Variants in ACTR3 observed in about 807,000 individuals in gnomAD.
The protein encoded by ACTR3 is actin-related protein 3.
In ACTR3, 12 loss-of-function variants were observed where a neutral mutation model predicts 56.8. That is an observed-to-expected ratio of 0.21 (90% CI 0.14 to 0.34). ACTR3 has a LOEUF of 0.34. Ranked by LOEUF, ACTR3 falls within the 10% of genes least tolerant of loss-of-function variation. The pLI, the probability that ACTR3 is intolerant of heterozygous loss-of-function variation, is 1.00. For synonymous variants in ACTR3, 162 were observed against 167.4 expected (o/e 0.97, Z 0.25); for missense variants, 282 against 512.5 (o/e 0.55, Z 4.34).
intron 4 of ACTR3, among the ~76,000 whole-genome samples, chr2:113,929,318 G>C (rs1343088208): frequency 1.3e-5 from 2 of 151,856 alleles, no homozygotes; most frequent in East Asian, 3.9e-4. Context: ...AATGTGTTCT[G>C]GTTTAGAGAT....
Position 113,905,965 on chromosome 2 carries a change from A to G in ACTR3, c.45-7207A>G, listed in dbSNP as rs188629683. ...ATATTGCTGCTATGAACATGCATGT[A>G]TAAGTACCTGTTCAAGTTCCTGCTT... On this transcript the variant is annotated intron_variant, in intron 1 of 11. Coordinates refer to ENST00000263238, the MANE Select transcript of ACTR3 (RefSeq NM_005721.5). Among the ~76,000 whole-genome samples, 9 of 152,344 alleles carry G rather than the reference A, an allele frequency of 5.9e-5. No homozygotes were observed. In the East Asian group the frequency reaches 1.5e-3, roughly 26 times the overall value.
At position 113,890,244 on chromosome 2, in the gene ACTR3, A is replaced by AGAC. The variant is rs1238237801; in HGVS notation, c.-34_-32dup. 3.2e-6 allele frequency: 5 copies of AGAC among 1,548,362 alleles called. No individual in the cohort carries two copies. Among genetic ancestry groups the AGAC allele is most frequent in the Non-Finnish European group, 4.4e-6 (5 of 1,145,140 alleles). On this transcript the variant is annotated 5_prime_UTR_variant, in exon 1 of 12. Transcript: ENST00000263238. ...TCTCTGGCCCCTAGCAGCACGGAGCAGACGGCGGCAGCAGCAGCAGCAGGC... is the reference window on the plus strand; with the variant it reads ...TCTCTGGCCCCTAGCAGCACGGAGCAGACGACGGCGGCAGCAGCAGCAGCAGGC...
rs1680295529 is a variant in ACTR3 at position 113,959,898 on chromosome 2, GA to G, written c.*2447del. 6.6e-6 allele frequency: 1 copy of G among 152,050 alleles called. No individual in the cohort carries two copies. Among genetic ancestry groups the G allele is most frequent in the African/African-American group, 2.4e-5 (1 of 41,520 alleles). 9.4% of individuals were successfully genotyped at this position (152,050 alleles called of 1,614,324 possible). On this transcript the variant is annotated 3_prime_UTR_variant, in exon 12 of 12. Transcript: ENST00000263238. ...GAACTTTGTTTTTTGTTAAAACTTG[GA>G]AAATATATTTGTATTATTTTGGACA...
chr2:113,926,745 A>G (rs1201997996), intron 3 of ACTR3, among the ~76,000 whole-genome samples: 2 of 152,232 alleles, frequency 1.3e-5, no homozygotes, highest in African/African-American at 4.8e-5. Context: ...TCTCGATACT[A>G]TAACACTGGG....
At chr2:113,938,309 G>C (rs964414561) in intron 6 of ACTR3, among the ~76,000 whole-genome samples, 2 of 151,650 alleles carry the variant, frequency 1.3e-5, no homozygotes, top group East Asian at 3.9e-4. Context: ...GTATTGTTTG[G>C]TTTTTCTCCT....
chr2:113,955,744 A>G, intron 11 of ACTR3, 38 bp downstream of exon 11: 1 of 1,496,814 alleles, frequency 6.7e-7, no homozygotes, highest in Non-Finnish European at 9.2e-7. Context: ...TTATTTTATC[A>G]TTATTATTTT....
chr2:113,904,519 C>T (rs183749854), intron 1 of ACTR3: 3 of 152,276 alleles, frequency 2.0e-5, no homozygotes, highest in Non-Finnish European at 2.9e-5. Flanking sequence ...TGTTTTTCTT[C>T]CAGTTTTGGG....
At chr2:113,920,341 G>T (rs1413322947) in intron 3 of ACTR3, among the ~76,000 whole-genome samples, 1 of 152,190 alleles carries the variant, frequency 6.6e-6, no homozygotes, top group Non-Finnish European at 1.5e-5. Flanking sequence ...TTACAGGCAT[G>T]AGCCACTGTG....
chr2:113,911,258 T>G (rs1188324387), intron 1 of ACTR3, among the ~76,000 whole-genome samples: 1 of 151,924 alleles, frequency 6.6e-6, no homozygotes, highest in Non-Finnish European at 1.5e-5. Context: ...TAAAGGGACT[T>G]TTTTGTATAC....
At chr2:113,906,633 T>A (rs780369234) in intron 1 of ACTR3, among the ~76,000 whole-genome samples, 2 of 152,340 alleles carry the variant, frequency 1.3e-5, no homozygotes, top group Non-Finnish European at 2.9e-5. Flanking sequence ...AACTTTGAGT[T>A]AACTTTTGTG....
intron 10 of ACTR3, chr2:113,953,804 C>G (rs1196303161): frequency 6.6e-6 from 1 of 152,102 alleles, no homozygotes; most frequent in Non-Finnish European, 1.5e-5. Context: ...TAACCTTGAT[C>G]CAGTGTTATC....
At chr2:113,947,743 C>T (rs1387336458) in intron 8 of ACTR3, among the ~76,000 whole-genome samples, 3 of 152,130 alleles carry the variant, frequency 2.0e-5, no homozygotes, top group Admixed American at 2.0e-4. Context: ...GAAAATGTGT[C>T]TTGCTGCTAA....
chr2:113,906,747 T>C (rs1679198323), intron 1 of ACTR3, among the ~76,000 whole-genome samples: 1 of 152,212 alleles, frequency 6.6e-6, no homozygotes, highest in Non-Finnish European at 1.5e-5. Context: ...TTAGTAGTTA[T>C]GGCATCCTTG....
intron 3 of ACTR3, among the ~76,000 whole-genome samples, chr2:113,924,223 C>T (rs1679574394): frequency 6.6e-6 from 1 of 151,870 alleles, no homozygotes; most frequent in East Asian, 1.9e-4. Context: ...GTGTGTGCCA[C>T]CACACCTGGC....
intron 5 of ACTR3, among the ~76,000 whole-genome samples, chr2:113,932,781 G>C (rs1299583426): frequency 6.6e-6 from 1 of 152,058 alleles, no homozygotes; most frequent in African/African-American, 2.4e-5. Flanking sequence ...ACTAGTATTA[G>C]GATGGAATTT....
At chr2:113,937,713 G>T (rs930366104) in intron 6 of ACTR3, among the ~76,000 whole-genome samples, 7 of 152,162 alleles carry the variant, frequency 4.6e-5, no homozygotes, top group Admixed American at 3.9e-4. Flanking sequence ...TGTTATTCTT[G>T]TGTGTGTTTC....
intron 8 of ACTR3, among the ~76,000 whole-genome samples, chr2:113,947,613 C>T (rs550291420): frequency 6.6e-6 from 1 of 152,164 alleles, no homozygotes; most frequent in Non-Finnish European, 1.5e-5. Context: ...GGCATTGCAC[C>T]ATTGTACTCC....
intron 3 of ACTR3, among the ~76,000 whole-genome samples, chr2:113,917,618 A>C (rs1679431319): frequency 6.6e-6 from 1 of 152,170 alleles, no homozygotes; most frequent in African/African-American, 2.4e-5. Context: ...TCTGACCTTT[A>C]TCATCTTATT....
At chr2:113,931,806 C>G (rs928643142) in intron 5 of ACTR3, among the ~76,000 whole-genome samples, 6 of 150,964 alleles carry the variant, frequency 4.0e-5, no homozygotes, top group African/African-American at 1.5e-4. Flanking sequence ...TATTTGACAC[C>G]CTAATATTTC....
Sources: gnomAD v4.1 joint callset for allele counts (sites outside exome capture counted in the v4.1 genomes callset) on GRCh38, gnomAD v4.1.1 for gene constraint, MANE v1.5 for transcripts, NCBI Gene and HGNC (gene_info 2026-07-23, HGNC 2026-07-21) for gene names.